Variants in NAALADL2 observed in about 807,000 individuals in gnomAD.
The protein encoded by NAALADL2 is N-acetylated alpha-linked acidic dipeptidase like 2.
NAALADL2 carries 76 observed loss-of-function variants against 87.2 expected under a neutral mutation model. The ratio of observed to expected loss-of-function variants is 0.87; its 90% CI spans 0.72 to 1.05. The LOEUF (loss-of-function observed/expected upper bound fraction) is 1.05. NAALADL2 is among the 50% of genes least tolerant of loss of function. The probability of loss-of-function intolerance (pLI) is 0.00; values close to 1 mark genes in which losing one functional copy is unlikely to be tolerated. For synonymous variants in NAALADL2, 354 were observed against 331.0 expected (o/e 1.07, Z -0.75); for missense variants, 1,089 against 945.8 (o/e 1.15, Z -1.99).
chr3:174,452,894 T>C (rs4894674), intron 1 of NAALADL2, among the ~76,000 whole-genome samples: 87,617 of 152,042 alleles, frequency 0.58, 26,644 homozygotes, highest in East Asian at 0.92. Context: ...CTCCATATGA[T>C]CACACTAGCT....
intron 4 of NAALADL2, among the ~76,000 whole-genome samples, chr3:175,276,963 TG>T (rs1405916593): frequency 6.6e-6 from 1 of 152,124 alleles, no homozygotes; most frequent in Admixed American, 6.5e-5. Flanking sequence ...CAAGAGATGT[TG>T]TCAACGTCCT....
intron 2 of NAALADL2, among the ~76,000 whole-genome samples, chr3:174,717,416 G>C (rs573046904): frequency 6.6e-6 from 1 of 152,042 alleles, no homozygotes; most frequent in African/African-American, 2.4e-5. Context: ...ATGTCATGCC[G>C]GTCTTTTTGT....
chr3:174,856,824 G>A (rs1219040295), upstream of NAALADL2, among the ~76,000 whole-genome samples: 2 of 152,090 alleles, frequency 1.3e-5, no homozygotes, highest in Non-Finnish European at 2.9e-5. Flanking sequence ...AGTTTAAGCT[G>A]TCACACCTCA....
chr3:175,090,204 T>C (rs1398183272), intron 1 of NAALADL2, among the ~76,000 whole-genome samples: 1 of 151,980 alleles, frequency 6.6e-6, no homozygotes, highest in African/African-American at 2.4e-5. Context: ...TACACACCCC[T>C]GAGAAAAAGA....
intron 1 of NAALADL2, among the ~76,000 whole-genome samples, chr3:174,975,488 T>C (rs1203644890): frequency 6.6e-6 from 1 of 152,148 alleles, no homozygotes; most frequent in Non-Finnish European, 1.5e-5. Flanking sequence ...ATAATTTTTT[T>C]CCATTATTTT....
At chr3:175,709,386 G>C (rs899762092) in intron 11 of NAALADL2, among the ~76,000 whole-genome samples, 1 of 152,016 alleles carries the variant, frequency 6.6e-6, no homozygotes, top group Non-Finnish European at 1.5e-5. Context: ...CAAAGCCAAA[G>C]GTGAGGTCAT....
chr3:174,508,047 T>C (rs74545036), intron 1 of NAALADL2, among the ~76,000 whole-genome samples: 4,677 of 151,776 alleles, frequency 0.031, 234 homozygotes, highest in African/African-American at 0.11. Flanking sequence ...GAATTCTAGG[T>C]GTTTCACATG....
At chr3:175,727,291 T>C (rs1743069660) in intron 11 of NAALADL2, among the ~76,000 whole-genome samples, 2 of 152,114 alleles carry the variant, frequency 1.3e-5, no homozygotes, top group Admixed American at 6.6e-5. Flanking sequence ...AGAAAAGAAC[T>C]CTTTCCTCCG....
intron 2 of NAALADL2, among the ~76,000 whole-genome samples, chr3:174,620,630 T>A (rs557257792): frequency 3.4e-4 from 51 of 152,192 alleles, no homozygotes; most frequent in Middle Eastern, 3.4e-3. Context: ...ATGTTTGATA[T>A]TTTTATCAGA....
intron 1 of NAALADL2, among the ~76,000 whole-genome samples, chr3:174,982,872 A>C (rs1387774246): frequency 6.6e-6 from 1 of 151,814 alleles, no homozygotes; most frequent in Non-Finnish European, 1.5e-5. Flanking sequence ...ATCTCCGCTC[A>C]CTGCAAGCTC....
intron 2 of NAALADL2, among the ~76,000 whole-genome samples, chr3:174,610,723 G>A (rs971229031): frequency 8.2e-4 from 101 of 123,822 alleles, no homozygotes; most frequent in African/African-American, 3.2e-3. Context: ...TGTTGGGACC[G>A]TAAACTAGTT....
At chr3:175,051,164 T>C (rs903625817) in intron 1 of NAALADL2, among the ~76,000 whole-genome samples, 5 of 152,192 alleles carry the variant, frequency 3.3e-5, no homozygotes, top group Admixed American at 3.3e-4. Context: ...ATGTGTATGG[T>C]CCCATCCAAC....
At chr3:175,404,772 A>C (rs1188626098) in intron 5 of NAALADL2, among the ~76,000 whole-genome samples, 3 of 152,174 alleles carry the variant, frequency 2.0e-5, no homozygotes, top group Non-Finnish European at 2.9e-5. Context: ...AACCATGTAC[A>C]AGTTGACCTC....
At chr3:174,632,933 CAAAAAAAAA>C (rs56809226) in intron 2 of NAALADL2, among the ~76,000 whole-genome samples, 1 of 63,776 alleles carries the variant, frequency 1.6e-5, no homozygotes, top group Non-Finnish European at 3.1e-5. Flanking sequence ...GACTCTGTCT[CAAAAAAAAA>C]AAAAAAAAAA....
chr3:175,646,210 T>C (rs1360006295), intron 11 of NAALADL2, among the ~76,000 whole-genome samples: 16 of 152,036 alleles, frequency 1.1e-4, no homozygotes, highest in Admixed American at 9.8e-4. Context: ...ATTATGGAAC[T>C]CAGATATTTT....
At chr3:175,230,379 A>G (rs551088334) in intron 2 of NAALADL2, among the ~76,000 whole-genome samples, 2 of 152,228 alleles carry the variant, frequency 1.3e-5, no homozygotes, top group African/African-American at 4.8e-5. Flanking sequence ...GAAGACAAAA[A>G]CTAGGATAAA....
intron 1 of NAALADL2, among the ~76,000 whole-genome samples, chr3:175,012,738 G>A (rs191115977): frequency 4.0e-5 from 6 of 151,722 alleles, no homozygotes; most frequent in African/African-American, 1.5e-4. Context: ...AGTTGTGACG[G>A]GGAACACTTG....
At chr3:175,584,317 G>A (rs1011454023) in intron 10 of NAALADL2, among the ~76,000 whole-genome samples, 1 of 152,082 alleles carries the variant, frequency 6.6e-6, no homozygotes, top group Non-Finnish European at 1.5e-5. Context: ...GATTACAGGT[G>A]TGAGCTACCA....
At chr3:174,558,548 C>T (rs547959150) in intron 2 of NAALADL2, among the ~76,000 whole-genome samples, 90 of 152,188 alleles carry the variant, frequency 5.9e-4, no homozygotes, top group African/African-American at 2.0e-3. Context: ...ATGAAGGGCA[C>T]ACAATCTAGA....
Sources: allele counts gnomAD v4.1 joint callset (sites outside exome capture counted in the v4.1 genomes callset), GRCh38; gene constraint gnomAD v4.1.1; transcripts MANE v1.5; gene names NCBI Gene and HGNC (gene_info 2026-07-23, HGNC 2026-07-21).